The following HS3ST4 variants were observed in gnomAD, a reference collection of about 807,000 sequenced individuals.
HS3ST4 encodes heparan sulfate-glucosamine 3-sulfotransferase 4.
A neutral mutation model predicts 29.2 loss-of-function variants in HS3ST4; 17 were observed. The observed-to-expected ratio is 0.58, with a 90% confidence interval of 0.40 to 0.87. HS3ST4 has a LOEUF of 0.87. Among genes scored for constraint, HS3ST4 ranks in the 40% least tolerant of loss-of-function variants. HS3ST4 has a pLI of 0.00. For synonymous variants in HS3ST4, 314 were observed against 285.7 expected (o/e 1.10, Z -1.00); for missense variants, 627 against 634.5 (o/e 0.99, Z 0.13).
In HS3ST4 at chr16:26,033,101, G is replaced by A. The variant is rs951039673; in HGVS notation, c.735-102511G>A. Among the ~76,000 whole-genome samples, 14 of 152,252 alleles carry A rather than the reference G, an allele frequency of 9.2e-5. 1 individual carries two copies. The highest frequency in any genetic ancestry group is 2.9e-4 in the African/African-American group (12 of 41,536). On this transcript the variant is annotated intron_variant, in intron 1 of 1. Coordinates refer to ENST00000331351, the MANE Select transcript of HS3ST4 (RefSeq NM_006040.3). ...TTAAGTGGAAAGAACACAGGTGGCC[G>A]GGTGCAGTGGCTTACACCTGTAATC...
At chr16:26,081,786 CTTTTTTTTT>C (rs56169806) in intron 1 of HS3ST4, among the ~76,000 whole-genome samples, 9 of 84,970 alleles carry the variant, frequency 1.1e-4, no homozygotes, top group African/African-American at 2.8e-4. Context: ...GGAGTACATT[CTTTTTTTTT>C]TTTTTTTTTT....
intron 1 of HS3ST4, among the ~76,000 whole-genome samples, chr16:25,858,818 A>C (rs969829434): frequency 6.6e-6 from 1 of 151,812 alleles, no homozygotes; most frequent in Non-Finnish European, 1.5e-5. Flanking sequence ...TAATTTTAAA[A>C]ATTTTCCCCC....
At chr16:25,931,051 G>A (rs1158842890) in intron 1 of HS3ST4, among the ~76,000 whole-genome samples, 2 of 152,210 alleles carry the variant, frequency 1.3e-5, no homozygotes, top group African/African-American at 4.8e-5. Context: ...GGGATTACAG[G>A]TGTGAGCAAC....
chr16:25,976,325 A>G (rs1156460321), intron 1 of HS3ST4, among the ~76,000 whole-genome samples: 1 of 151,758 alleles, frequency 6.6e-6, no homozygotes, highest in Non-Finnish European at 1.5e-5. Flanking sequence ...TCTTTTTTTG[A>G]GACAGGGTCT....
chr16:25,803,035 CTCTCT>C (rs926890734), intron 1 of HS3ST4, among the ~76,000 whole-genome samples: 11 of 151,210 alleles, frequency 7.3e-5, no homozygotes, highest in Admixed American at 4.6e-4. Flanking sequence ...CTTTCTCTGC[CTCTCT>C]TCTCATCTAT....
intron 1 of HS3ST4, among the ~76,000 whole-genome samples, chr16:25,990,074 C>T (rs545938949): frequency 1.7e-4 from 26 of 152,270 alleles, no homozygotes; most frequent in African/African-American, 5.3e-4. Flanking sequence ...GTTATATACA[C>T]GTAAGGTTTC....
At chr16:25,899,830 G>A (rs944519221) in intron 1 of HS3ST4, among the ~76,000 whole-genome samples, 34 of 152,114 alleles carry the variant, frequency 2.2e-4, no homozygotes, top group Admixed American at 2.0e-3. Context: ...TGTCTTAAAG[G>A]CAAATGTGAG....
intron 1 of HS3ST4, among the ~76,000 whole-genome samples, chr16:26,067,090 C>T (rs969717782): frequency 6.6e-6 from 1 of 152,168 alleles, no homozygotes; most frequent in Admixed American, 6.5e-5. Flanking sequence ...TTTTAGGCTG[C>T]ACTGGTTGCC....
intron 1 of HS3ST4, among the ~76,000 whole-genome samples, chr16:26,049,404 G>GGTCTACATCCGGAGGTCTAC (rs750662212): frequency 1.3e-5 from 2 of 148,164 alleles, no homozygotes; most frequent in Non-Finnish European, 3.0e-5. Flanking sequence ...TACATCCGGA[G>GGTCTACATCCGGAGGTCTAC]AATGATGTGG....
At chr16:26,067,011 G>A (rs1898550928) in intron 1 of HS3ST4, among the ~76,000 whole-genome samples, 1 of 152,162 alleles carries the variant, frequency 6.6e-6, no homozygotes, top group South Asian at 2.1e-4. Flanking sequence ...ACTCCCAGGA[G>A]CTAGATCAGG....
intron 1 of HS3ST4, among the ~76,000 whole-genome samples, chr16:26,113,146 A>T (rs1406132155): frequency 1.3e-5 from 2 of 152,216 alleles, no homozygotes. Flanking sequence ...TTTTGTTTAA[A>T]TTTTTTAAAT....
chr16:25,916,824 C>T (rs1373695529), intron 1 of HS3ST4, among the ~76,000 whole-genome samples: 3 of 151,788 alleles, frequency 2.0e-5, no homozygotes, highest in South Asian at 2.1e-4. Flanking sequence ...GGACTACAGG[C>T]GCCTGCGACC....
At chr16:25,743,686 A>G (rs1165987146) in intron 1 of HS3ST4, among the ~76,000 whole-genome samples, 1 of 152,002 alleles carries the variant, frequency 6.6e-6, no homozygotes. Context: ...CTGTATTTCT[A>G]GTAGAAATGG....
Position 25,992,733 on chromosome 16 carries a change from G to C in HS3ST4, c.735-142879G>C, listed in dbSNP as rs530632748. Among the ~76,000 whole-genome samples, 3 of 152,332 alleles carry C rather than the reference G, an allele frequency of 2.0e-5. No homozygotes were observed. The South Asian group carries it at 6.2e-4, about 32-fold the overall frequency. On this transcript the variant is annotated intron_variant, in intron 1 of 1. Transcript: ENST00000331351. Reference sequence around the variant, plus strand: ...GAGGCTAAGGGTGAAAAGCATTGTTGGCTTTCTCCAGGGCTCACTTGAATA... The same window carrying C: ...GAGGCTAAGGGTGAAAAGCATTGTTCGCTTTCTCCAGGGCTCACTTGAATA...
chr16:25,781,386 T>C (rs571935132), intron 1 of HS3ST4, among the ~76,000 whole-genome samples: 13 of 152,318 alleles, frequency 8.5e-5, no homozygotes, highest in Non-Finnish European at 1.5e-4. Context: ...TAATTGCACT[T>C]CTATTTCTGC....
At chr16:25,767,013 C>CA (rs5816323) in intron 1 of HS3ST4, among the ~76,000 whole-genome samples, 32 of 149,300 alleles carry the variant, frequency 2.1e-4, no homozygotes, top group Admixed American at 1.1e-3. Context: ...TGCAAACTGA[C>CA]AAAAAAAAAG....
rs1478433436 is a variant in HS3ST4 at position 26,136,160 on chromosome 16, T to A, written c.1283T>A (p.Leu428Gln). The change falls in exon 2 of 2, where the codon CTG becomes CAG. Residue 428 changes from leucine (L) to glutamine (Q), a missense_variant. Physicochemically the swap from Leu to Gln is moderately radical, Grantham distance 113. Around this residue, in one of 2 missense-constraint regions of HS3ST4, gnomAD observed 225 missense variants for 293.7 expected, o/e 0.77. Coordinates refer to ENST00000331351, the MANE Select transcript of HS3ST4 (RefSeq NM_006040.3). ...ATTGACCCAGATGTCATCCACAGACTGAGGAAATTCTACAAACCCTTCAAC... is the reference window on the plus strand; with the variant it reads ...ATTGACCCAGATGTCATCCACAGACAGAGGAAATTCTACAAACCCTTCAAC... ...PRIDPDVIHR[L>Q]RKFYKPFNLM... 6.2e-7 allele frequency: 1 copy of A among 1,613,384 alleles called. No homozygotes were observed. The highest frequency in any genetic ancestry group is 2.2e-5 in the East Asian group (1 of 44,772).
At chr16:25,747,906 T>C (rs1468768301) in intron 1 of HS3ST4, among the ~76,000 whole-genome samples, 2 of 152,186 alleles carry the variant, frequency 1.3e-5, no homozygotes, top group Non-Finnish European at 2.9e-5. Context: ...TAATGTGTCA[T>C]CTGGCAAGCA....
chr16:25,845,679 A>T (rs1394538028), intron 1 of HS3ST4, among the ~76,000 whole-genome samples: 3 of 149,574 alleles, frequency 2.0e-5, no homozygotes, highest in African/African-American at 7.4e-5. Context: ...TAATAATAAT[A>T]ATAATAGAAT....
Sources: allele counts gnomAD v4.1 joint callset (sites outside exome capture counted in the v4.1 genomes callset), GRCh38; gene constraint gnomAD v4.1.1; regional missense constraint gnomAD v4.1.1; transcripts MANE v1.5; gene names NCBI Gene and HGNC (gene_info 2026-07-23, HGNC 2026-07-21).